Variants in KRT82 observed in about 807,000 individuals in gnomAD.
The protein encoded by KRT82 is keratin, type II cuticular Hb2.
KRT82 carries 44 observed loss-of-function variants against 48.0 expected under a neutral mutation model. The observed-to-expected ratio is 0.92, with a 90% confidence interval of 0.72 to 1.18. KRT82 has a LOEUF of 1.18. Among genes scored for constraint, KRT82 ranks in the 50% most tolerant of loss-of-function variants. KRT82 has a pLI of 0.00. For synonymous variants in KRT82, 297 were observed against 278.3 expected, an observed-to-expected ratio of 1.07 and a Z score of -0.67; for missense variants, 701 against 671.4, an observed-to-expected ratio of 1.04 and a Z score of -0.49.
At position 52,396,010 on chromosome 12, in the gene KRT82, A is replaced by G; in HGVS notation, c.1289+2T>C. ...CTTTGACCCCCTCCTGGAGGAGCTC[A>G]CCTGTGCTCTTCACCCTCCAGCAGG... On this transcript the variant is annotated splice_donor_variant, in intron 7 of 8. Transcript: ENST00000257974. LOFTEE classifies it high-confidence loss of function. 2 of 1,613,794 alleles carry G rather than the reference A, an allele frequency of 1.2e-6. No individual in the cohort carries two copies. Among genetic ancestry groups the G allele is most frequent in the South Asian group, 1.1e-5 (1 of 91,058 alleles).
intron 6 of KRT82, 152 bp from the exon 7 acceptor site, chr12:52,396,384 C>A (rs1244001247): frequency 5.6e-6 from 4 of 713,954 alleles, no homozygotes; most frequent in Non-Finnish European, 9.1e-6. Flanking sequence ...CTCCAGGGAA[C>A]TGGGATGGGT....
intron 2 of KRT82, among the ~76,000 whole-genome samples, chr12:52,402,867 T>G (rs906373308): frequency 2.0e-5 from 3 of 152,154 alleles, no homozygotes; most frequent in African/African-American, 7.2e-5. Flanking sequence ...TTCTCCTCAA[T>G]AGAAAGACAC....
intron 2 of KRT82, 122 bp from the exon 3 acceptor site, chr12:52,401,471 G>A (rs998578759): frequency 2.2e-6 from 2 of 893,744 alleles, no homozygotes; most frequent in Non-Finnish European, 3.6e-6. Context: ...GGAGTGCCCA[G>A]GTCCAGCCCT....
At chr12:52,395,617 C>T in intron 8 of KRT82, 142 bp downstream of exon 8, 1 of 639,966 alleles carries the variant, frequency 1.6e-6, no homozygotes, top group South Asian at 2.1e-5. Flanking sequence ...TTCCACCAGC[C>T]TGGGAGCTCA....
chr12:52,400,945 G>T (rs1405200948), intron 3 of KRT82, among the ~76,000 whole-genome samples: 1 of 152,172 alleles, frequency 6.6e-6, no homozygotes, highest in East Asian at 1.9e-4. Flanking sequence ...GGGGGCTTGC[G>T]GCAGAGCTTT....
chr12:52,400,948 A>AGAGCTTTT (rs943399986), intron 3 of KRT82, among the ~76,000 whole-genome samples: 1 of 152,210 alleles, frequency 6.6e-6, no homozygotes, highest in African/African-American at 2.4e-5. Flanking sequence ...GGCTTGCGGC[A>AGAGCTTTT]GAGCTTTTGA....
chr12:52,396,215 A>C lies in KRT82; in HGVS notation c.1086T>G (p.Gly362=), dbSNP rs763530616. Residue 362 remains glycine, a synonymous_variant, in exon 7 of 9, where the codon GGT becomes GGG. Transcript: ENST00000257974. ...NVKAQRCKLE[G]AIAEAEQQGE... is the part of the protein sequence containing the mutation. ...CCTGCTGCTCTGCCTCAGCTATGGC[A>C]CCCTCAAGTTTGCAGCGCTGTGGGA... The C allele has an allele frequency of 1.2e-5, 19 of 1,613,226 alleles. No individual in the cohort carries two copies. The highest frequency in any genetic ancestry group is 2.7e-5 in the African/African-American group (2 of 74,884).
intron 2 of KRT82, among the ~76,000 whole-genome samples, chr12:52,401,568 C>T (rs1430666557): frequency 6.6e-6 from 1 of 152,174 alleles, no homozygotes; most frequent in Non-Finnish European, 1.5e-5. Context: ...CCTCAGGAAC[C>T]TTCTCCCGCG....
chr12:52,405,783 C>T (rs1939843837), intron 1 of KRT82, 84 bp downstream of exon 1: 3 of 1,407,164 alleles, frequency 2.1e-6, no homozygotes, highest in East Asian at 2.3e-5. Flanking sequence ...TGTCAGTCTC[C>T]TCCTGGTTCC....
chr12:52,401,853 G>A (rs1732270), intron 2 of KRT82: 119,450 of 152,848 alleles, frequency 0.78, 47,323 homozygotes, highest in African/African-American at 0.92. Context: ...TATTTCCTCA[G>A]GCTCCTTGGG....
intron 1 of KRT82, among the ~76,000 whole-genome samples, chr12:52,405,229 G>T (rs1939837006): frequency 6.6e-6 from 1 of 152,128 alleles, no homozygotes; most frequent in Admixed American, 6.6e-5. Flanking sequence ...TCCTGCAGTG[G>T]GTGCTGTGCT....
intron 5 of KRT82, 38 bp from the exon 6 acceptor site, chr12:52,397,046 A>G (rs975649974): frequency 3.7e-6 from 6 of 1,608,902 alleles, no homozygotes; most frequent in African/African-American, 1.3e-5. Context: ...AGGCCCCACA[A>G]GATGGCATCT....
intron 4 of KRT82, 43 bp from the exon 5 acceptor site, chr12:52,400,192 G>A (rs373779592): frequency 1.4e-5 from 22 of 1,582,818 alleles, no homozygotes; most frequent in Admixed American, 6.8e-5. Flanking sequence ...CTCTCTGAGC[G>A]TCCGGGGACA....
At chr12:52,395,865 C>T (rs1939705465) in intron 7 of KRT82, 75 bp from the exon 8 acceptor site, 16 of 1,467,664 alleles carry the variant, frequency 1.1e-5, no homozygotes, top group African/African-American at 1.4e-5. Flanking sequence ...TCCCCGCTCC[C>T]GCCCTCATTG....
At position 52,394,008 on chromosome 12, in the gene KRT82, G is replaced by A. The variant is rs1939670536; in HGVS notation, c.*967C>T. 1 of 152,200 alleles carries A rather than the reference G, an allele frequency of 6.6e-6. No individual in the cohort carries two copies. 9.4% of individuals were successfully genotyped at this position (152,200 alleles called of 1,614,324 possible). On this transcript the variant is annotated 3_prime_UTR_variant, in exon 9 of 9. Transcript: ENST00000257974. ...AGATGTTCAGGGCAGAGGCCCTGGA[G>A]CCCCAGTGGGACAGGCTTGGCATGA...
intron 6 of KRT82, 43 bp downstream of exon 6, chr12:52,396,839 GC>G: frequency 6.2e-7 from 1 of 1,610,788 alleles, no homozygotes; most frequent in Non-Finnish European, 8.5e-7. Flanking sequence ...TGGCCAGTCA[GC>G]CCAGGATGGC....
At chr12:52,399,157 A>G (rs992895305) in intron 5 of KRT82, among the ~76,000 whole-genome samples, 27 of 152,128 alleles carry the variant, frequency 1.8e-4, no homozygotes, top group African/African-American at 3.9e-4. Context: ...ACTGCACTCC[A>G]ACACTCCCTA....
chr12:52,404,627 G>A (rs1206687703), intron 1 of KRT82, among the ~76,000 whole-genome samples: 1 of 152,202 alleles, frequency 6.6e-6, no homozygotes, highest in Non-Finnish European at 1.5e-5. Flanking sequence ...TGCATTGTCT[G>A]TCAAGAAAAC....
At chr12:52,397,990 T>A (rs1160413726) in intron 5 of KRT82, among the ~76,000 whole-genome samples, 1 of 152,126 alleles carries the variant, frequency 6.6e-6, no homozygotes, top group Non-Finnish European at 1.5e-5. Flanking sequence ...GAGGTTGCAG[T>A]GAGGCGAGAT....
Sources: allele counts gnomAD v4.1 joint callset (sites outside exome capture counted in the v4.1 genomes callset), GRCh38; gene constraint gnomAD v4.1.1; transcripts MANE v1.5; gene names NCBI Gene and HGNC (gene_info 2026-07-23, HGNC 2026-07-21).